The following ITIH5 variants were observed in gnomAD, a reference collection of about 807,000 sequenced individuals.
ITIH5 encodes the protein inter-alpha-trypsin inhibitor heavy chain H5.
A neutral mutation model predicts 77.5 loss-of-function variants in ITIH5; 65 were observed. The observed-to-expected ratio is 0.84, with a 90% confidence interval of 0.69 to 1.03. The LOEUF (loss-of-function observed/expected upper bound fraction) is 1.03, where lower values mean the gene tolerates loss of function less well. Ranked by LOEUF, ITIH5 falls within the 50% of genes least tolerant of loss-of-function variation. ITIH5 has a pLI of 0.00. For synonymous variants in ITIH5, 525 were observed against 494.3 expected, an observed-to-expected ratio of 1.06 and a Z score of -0.82; for missense variants, 1,208 against 1,213.1, an observed-to-expected ratio of 1.00 and a Z score of 0.06.
intron 4 of ITIH5, among the ~76,000 whole-genome samples, chr10:7,640,006 A>G (rs1210005634): frequency 6.6e-6 from 1 of 152,044 alleles, no homozygotes; most frequent in Non-Finnish European, 1.5e-5. Context: ...AAAAATGTGA[A>G]TGCAGAGTAA....
chr10:7,612,132 A>C (rs192317246), intron 7 of ITIH5, among the ~76,000 whole-genome samples: 1 of 152,290 alleles, frequency 6.6e-6, no homozygotes, highest in Admixed American at 6.5e-5. Flanking sequence ...AGAAAATGAC[A>C]GGGCATGCGT....
chr10:7,576,329 T>G (rs922489834), intron 10 of ITIH5, 124 bp downstream of exon 10: 1 of 892,230 alleles, frequency 1.1e-6, no homozygotes, highest in African/African-American at 1.7e-5. Flanking sequence ...CGGTCTGGGT[T>G]ATTGTTTATA....
rs1301887733 is a variant in ITIH5, at chr10:7,644,750, CACA to C, written c.136-2663_136-2661del. ...TCACATATCTATATCACATATATAT[CACA>C]TATATCACATATATATCATATATAT... On this transcript the variant is annotated intron_variant, in intron 2 of 13. Transcript: ENST00000397146. Among the ~76,000 whole-genome samples the C allele has an allele frequency of 1.6e-3, 178 of 111,332 alleles. 5 individuals carry two copies. The highest frequency in any genetic ancestry group is 8.6e-3 in the African/African-American group (171 of 19,790). The allele number at this position is 111,332 out of a possible 152,430, so 73.0% of individuals were successfully genotyped here.
chr10:7,586,260 G>A (rs541026519), intron 7 of ITIH5, among the ~76,000 whole-genome samples, 191 bp from the exon 8 acceptor site: 2 of 152,062 alleles, frequency 1.3e-5, no homozygotes, highest in African/African-American at 4.8e-5. Flanking sequence ...AAGATGTTAC[G>A]GTTGTAGACA....
At chr10:7,655,755 CAT>C in intron 1 of ITIH5, 80 bp from the exon 2 acceptor site, 1 of 1,092,260 alleles carries the variant, frequency 9.2e-7, no homozygotes, top group Non-Finnish European at 1.4e-6. Flanking sequence ...GTCATTCTCA[CAT>C]GAGTTATACA....
chr10:7,624,661 T>C (rs1013208099), intron 5 of ITIH5, among the ~76,000 whole-genome samples: 5 of 144,386 alleles, frequency 3.5e-5, no homozygotes, highest in African/African-American at 1.0e-4. Flanking sequence ...CTACTAAAAA[T>C]ACAAAAATGA....
chr10:7,646,154 C>A (rs369590807), intron 2 of ITIH5, among the ~76,000 whole-genome samples: 1 of 152,132 alleles, frequency 6.6e-6, no homozygotes, highest in Non-Finnish European at 1.5e-5. Context: ...ACCACTGCAC[C>A]CAGCTCTGAT....
chr10:7,631,180 A>G (rs1028359952), intron 5 of ITIH5, among the ~76,000 whole-genome samples: 11 of 152,132 alleles, frequency 7.2e-5, no homozygotes, highest in African/African-American at 2.7e-4. Flanking sequence ...AAAAATACTG[A>G]CACTTAGTTT....
intron 7 of ITIH5, among the ~76,000 whole-genome samples, chr10:7,597,496 C>T (rs1347097852): frequency 6.6e-6 from 1 of 152,176 alleles, no homozygotes; most frequent in Admixed American, 6.5e-5. Context: ...AGCCTCAGAT[C>T]TGTTGTCCCC....
intron 7 of ITIH5, among the ~76,000 whole-genome samples, chr10:7,614,219 G>C (rs1833317024): frequency 6.6e-6 from 1 of 152,208 alleles, no homozygotes; most frequent in Admixed American, 6.5e-5. Context: ...AGTCAAGAAA[G>C]CAGAAGGAAG....
In ITIH5 at chr10:7,562,797, T is replaced by C. The variant is rs974654807; in HGVS notation, c.*286A>G. On this transcript the variant is annotated 3_prime_UTR_variant, in exon 14 of 14. Transcript: ENST00000397146. ...GCAGGTTGGGACAAGATACAGACTT[T>C]GTTGCATTTAGCTATGACCCTTCTC... 2 of 438,634 alleles carry C rather than the reference T, an allele frequency of 4.6e-6. No individual in the cohort carries two copies. Among genetic ancestry groups the C allele is most frequent in the South Asian group, 6.2e-5 (2 of 32,194 alleles). 27.2% of individuals were successfully genotyped at this position (438,634 alleles called of 1,614,324 possible). A position where few individuals can be genotyped will look rare whatever the true frequency, so the allele number is the denominator to read the frequency against.
chr10:7,640,723 G>A lies in ITIH5; in HGVS notation c.401+31C>T, dbSNP rs182168549. On this transcript the variant is annotated intron_variant, in intron 4 of 13. Coordinates refer to ENST00000397146, the MANE Select transcript of ITIH5 (RefSeq NM_030569.7). ...AAAATGTGGCACTTTGCTAAAATGG[G>A]TTTTTAATTCCTTAATTAACCAATA... 777 of 1,482,126 alleles carry A rather than the reference G, an allele frequency of 5.2e-4. 1 individual carries two copies. The highest frequency in any genetic ancestry group is 1.2e-3 in the Middle Eastern group (7 of 5,802). 91.8% of individuals were successfully genotyped at this position (1,482,126 alleles called of 1,614,324 possible).
chr10:7,588,489 C>CCA (rs1832727145), intron 7 of ITIH5, among the ~76,000 whole-genome samples: 2 of 152,304 alleles, frequency 1.3e-5, no homozygotes, highest in Admixed American at 1.3e-4. Context: ...CTGCACTCTG[C>CCA]CTGGGTGACA....
intron 7 of ITIH5, among the ~76,000 whole-genome samples, chr10:7,590,737 C>A (rs1285029611): frequency 2.0e-5 from 3 of 152,206 alleles, no homozygotes; most frequent in African/African-American, 7.2e-5. Context: ...CAAGACTCTT[C>A]CCTTAGGATA....
At position 7,562,090 on chromosome 10, in the gene ITIH5, A is replaced by G. The variant is rs1588350523; in HGVS notation, c.*993T>C. 1 of 152,126 alleles carries G rather than the reference A, an allele frequency of 6.6e-6. No homozygotes were observed. Among genetic ancestry groups the G allele is most frequent in the Admixed American group, 6.5e-5 (1 of 15,272 alleles). The allele number at this position is 152,126 out of a possible 1,614,324, so 9.4% of individuals were successfully genotyped here. On this transcript the variant is annotated 3_prime_UTR_variant, in exon 14 of 14. Transcript: ENST00000397146. ...AGTCCTAGATTTCCTAAGCACCGAC[A>G]CGCTTCCTGCTATAGGTGGGCTGGT...
chr10:7,611,977 C>T (rs776506244), intron 7 of ITIH5, among the ~76,000 whole-genome samples: 52 of 150,190 alleles, frequency 3.5e-4, no homozygotes, highest in Non-Finnish European at 6.3e-4. Flanking sequence ...CCTCTTAACC[C>T]ATTTGGAAAT....
At chr10:7,595,529 A>G (rs925567083) in intron 7 of ITIH5, among the ~76,000 whole-genome samples, 2 of 152,174 alleles carry the variant, frequency 1.3e-5, no homozygotes, top group African/African-American at 4.8e-5. Context: ...TCTGTTTAAT[A>G]CTATTTTATG....
rs1444438559 is a variant in ITIH5, at chr10:7,560,714, A to C, written c.*2369T>G. On this transcript the variant is annotated 3_prime_UTR_variant, in exon 14 of 14. Coordinates refer to ENST00000397146, the MANE Select transcript of ITIH5 (RefSeq NM_030569.7). ...ATAACAAGGAGATTTATCTCCTCTA[A>C]TTATGACATATTTCTTCATCTCATT... The C allele has an allele frequency of 3.3e-5, 5 of 152,220 alleles. No homozygotes were observed. In the East Asian group the frequency reaches 9.6e-4, roughly 29 times the overall value. 9.4% of individuals were successfully genotyped at this position (152,220 alleles called of 1,614,324 possible). A position where few individuals can be genotyped will look rare whatever the true frequency, so the allele number is the denominator to read the frequency against.
chr10:7,661,511 G>A (rs551663687), intron 1 of ITIH5, among the ~76,000 whole-genome samples: 1 of 152,282 alleles, frequency 6.6e-6, no homozygotes, highest in South Asian at 2.1e-4. Flanking sequence ...GCTGAGAACG[G>A]TTAGTCTGAG....
Sources: allele counts gnomAD v4.1 joint callset (sites outside exome capture counted in the v4.1 genomes callset), GRCh38; gene constraint gnomAD v4.1.1; transcripts MANE v1.5; gene names NCBI Gene and HGNC (gene_info 2026-07-23, HGNC 2026-07-21).